Variants in CPNE4 observed in about 807,000 individuals in gnomAD.
The protein encoded by CPNE4 is copine-4.
In CPNE4, 25 loss-of-function variants were observed where a neutral mutation model predicts 67.9. The ratio of observed to expected loss-of-function variants is 0.37; its 90% CI spans 0.27 to 0.51. The LOEUF (loss-of-function observed/expected upper bound fraction) is 0.51. Among genes scored for constraint, CPNE4 ranks in the 20% least tolerant of loss-of-function variants. The pLI, the probability that CPNE4 is intolerant of heterozygous loss-of-function variation, is 0.93. For missense variants in CPNE4, 464 were observed against 690.8 expected, an observed-to-expected ratio of 0.67 and a Z score of 3.68; for synonymous variants, 242 against 244.9, an observed-to-expected ratio of 0.99 and a Z score of 0.11.
chr3:131,900,536 G>A (rs550616757), intron 2 of CPNE4, among the ~76,000 whole-genome samples: 2 of 152,146 alleles, frequency 1.3e-5, no homozygotes, highest in East Asian at 1.9e-4. Context: ...TTCATGTAGT[G>A]TCCTCTTTCT....
intron 10 of CPNE4, among the ~76,000 whole-genome samples, chr3:131,571,712 C>A (rs1345894938): frequency 6.6e-6 from 1 of 151,920 alleles, no homozygotes; most frequent in African/African-American, 2.4e-5. Context: ...TCTCGTTCCC[C>A]CATCACCACC....
chr3:131,912,041 C>G (rs1413148249), intron 1 of CPNE4, among the ~76,000 whole-genome samples: 1 of 152,096 alleles, frequency 6.6e-6, no homozygotes, highest in African/African-American at 2.4e-5. Context: ...TAATATAGCC[C>G]GATTATCAAC....
At chr3:131,590,088 T>C (rs969107027) in intron 7 of CPNE4, among the ~76,000 whole-genome samples, 2 of 152,210 alleles carry the variant, frequency 1.3e-5, no homozygotes, top group Non-Finnish European at 2.9e-5. Context: ...ATTATTTATA[T>C]ACGTCACCCT....
intron 7 of CPNE4, among the ~76,000 whole-genome samples, chr3:131,590,227 G>A (rs1938443419): frequency 6.6e-6 from 1 of 152,142 alleles, no homozygotes; most frequent in Admixed American, 6.5e-5. Flanking sequence ...CATGTTGTGG[G>A]GACAAAGCAG....
At chr3:131,731,519 G>A (rs538705341) in intron 2 of CPNE4, among the ~76,000 whole-genome samples, 2 of 152,222 alleles carry the variant, frequency 1.3e-5, no homozygotes, top group African/African-American at 4.8e-5. Flanking sequence ...CAAATGCTGC[G>A]TGTCCTCTAT....
chr3:131,747,234 C>T (rs2082513923), intron 2 of CPNE4, among the ~76,000 whole-genome samples: 1 of 151,008 alleles, frequency 6.6e-6, no homozygotes, highest in Non-Finnish European at 1.5e-5. Flanking sequence ...TGGATTGTCT[C>T]TTTGTTCTGT....
chr3:131,982,218 T>C (rs1424171304), intron 1 of CPNE4, among the ~76,000 whole-genome samples: 3 of 152,224 alleles, frequency 2.0e-5, no homozygotes, highest in Admixed American at 2.0e-4. Context: ...GTCTTACTAC[T>C]AAAACTTTAT....
chr3:131,878,685 A>G (rs1210449485), intron 2 of CPNE4, among the ~76,000 whole-genome samples: 3 of 152,248 alleles, frequency 2.0e-5, no homozygotes, highest in African/African-American at 7.2e-5. Flanking sequence ...TGCTGATTAG[A>G]TGATTCAAAT....
At chr3:131,981,753 G>A (rs754171530) in intron 1 of CPNE4, among the ~76,000 whole-genome samples, 2 of 152,144 alleles carry the variant, frequency 1.3e-5, no homozygotes, top group Non-Finnish European at 2.9e-5. Context: ...AAGCTCCCAG[G>A]GCCTTTCTGC....
chr3:131,596,228 G>A (rs1188140235), intron 7 of CPNE4, among the ~76,000 whole-genome samples: 2 of 152,122 alleles, frequency 1.3e-5, no homozygotes, highest in Non-Finnish European at 2.9e-5. Flanking sequence ...AGCTTGTGAT[G>A]GTATCACAGG....
At chr3:131,553,323 T>A (rs1166492138) in intron 12 of CPNE4, among the ~76,000 whole-genome samples, 2 of 152,124 alleles carry the variant, frequency 1.3e-5, no homozygotes, top group Non-Finnish European at 2.9e-5. Context: ...TGATCGGTGA[T>A]GCTCTCAGTG....
intron 2 of CPNE4, among the ~76,000 whole-genome samples, chr3:131,861,221 T>C (rs368273705): frequency 6.6e-5 from 10 of 152,200 alleles, no homozygotes; most frequent in African/African-American, 2.2e-4. Flanking sequence ...TAGGTTATTG[T>C]TTACTGCTCA....
intron 1 of CPNE4, among the ~76,000 whole-genome samples, chr3:131,944,039 T>C (rs1381844960): frequency 6.6e-6 from 1 of 152,162 alleles, no homozygotes; most frequent in Non-Finnish European, 1.5e-5. Context: ...TGTTTGCTTC[T>C]GAGTGTCCCT....
At chr3:131,868,402 G>C (rs938833930) in intron 2 of CPNE4, among the ~76,000 whole-genome samples, 11 of 152,144 alleles carry the variant, frequency 7.2e-5, no homozygotes, top group African/African-American at 2.4e-5. Context: ...AGCTCATGTA[G>C]ATCTTGAACC....
intron 2 of CPNE4, among the ~76,000 whole-genome samples, chr3:131,870,552 T>C (rs912692301): frequency 6.6e-6 from 1 of 152,130 alleles, no homozygotes; most frequent in Non-Finnish European, 1.5e-5. Context: ...TCCAATAAAC[T>C]CTGCATGAAC....
intron 6 of CPNE4, among the ~76,000 whole-genome samples, chr3:131,677,155 G>C (rs182807697): frequency 6.6e-6 from 1 of 151,644 alleles, no homozygotes; most frequent in African/African-American, 2.4e-5. Context: ...TTTTTCATAT[G>C]ATTGTTGGCC....
intron 2 of CPNE4, among the ~76,000 whole-genome samples, chr3:131,785,940 C>T (rs1367300984): frequency 2.0e-5 from 3 of 152,084 alleles, no homozygotes; most frequent in Non-Finnish European, 4.4e-5. Context: ...ATGTTAAGTA[C>T]TCCCATATAT....
chr3:131,824,787 G>A (rs1369841066), intron 2 of CPNE4, among the ~76,000 whole-genome samples: 1 of 152,094 alleles, frequency 6.6e-6, no homozygotes, highest in African/African-American at 2.4e-5. Flanking sequence ...CTTGCTGCTG[G>A]AGTACCTTGG....
intron 10 of CPNE4, among the ~76,000 whole-genome samples, chr3:131,571,833 C>G (rs2107677224): frequency 6.6e-6 from 1 of 152,116 alleles, no homozygotes; most frequent in Non-Finnish European, 1.5e-5. Context: ...ATTCAAAGCC[C>G]TTCAAGTTCT....
Sources: allele counts gnomAD v4.1 joint callset (sites outside exome capture counted in the v4.1 genomes callset), GRCh38; gene constraint gnomAD v4.1.1; transcripts MANE v1.5; gene names NCBI Gene and HGNC (gene_info 2026-07-23, HGNC 2026-07-21).